Variants in FRMD5 observed in about 807,000 individuals in gnomAD.
FRMD5 encodes the protein FERM domain-containing protein 5.
Under a neutral mutation model 69.0 loss-of-function variants are expected in FRMD5, and 20 were observed. The observed-to-expected ratio is 0.29, with a 90% CI of 0.20 to 0.42. The LOEUF (loss-of-function observed/expected upper bound fraction) is 0.42. Ranked by LOEUF, FRMD5 falls within the 10% of genes least tolerant of loss-of-function variation. The pLI, the probability that FRMD5 is intolerant of heterozygous loss-of-function variation, is 1.00. For synonymous variants in FRMD5, 271 were observed against 260.1 expected, an observed-to-expected ratio of 1.04 and a Z score of -0.40; for missense variants, 595 against 708.6, an observed-to-expected ratio of 0.84 and a Z score of 1.82.
At chr15:43,993,598 G>A (rs939188792) in intron 1 of FRMD5, among the ~76,000 whole-genome samples, 2 of 152,294 alleles carry the variant, frequency 1.3e-5, no homozygotes, top group Non-Finnish European at 2.9e-5. Flanking sequence ...AGGTCCATTC[G>A]ATGTAAAGTA....
chr15:44,175,193 C>A (rs561389145), intron 1 of FRMD5, among the ~76,000 whole-genome samples: 1 of 152,138 alleles, frequency 6.6e-6, no homozygotes, highest in Non-Finnish European at 1.5e-5. Flanking sequence ...TAGAGCCCTT[C>A]TAGGCAGGTT....
chr15:43,936,916 T>C (rs924422403), intron 1 of FRMD5, among the ~76,000 whole-genome samples: 1 of 151,994 alleles, frequency 6.6e-6, no homozygotes, highest in Non-Finnish European at 1.5e-5. Context: ...GATCGCTAAC[T>C]GGGTCCTTGC....
intron 6 of FRMD5, among the ~76,000 whole-genome samples, chr15:43,902,753 G>A (rs1460650745): frequency 4.6e-5 from 7 of 151,588 alleles, no homozygotes; most frequent in Admixed American, 6.6e-5. Flanking sequence ...AAAAGTCAGA[G>A]ATACTGATTT....
chr15:44,070,911 C>T (rs1242877472), intron 1 of FRMD5, among the ~76,000 whole-genome samples: 1 of 152,140 alleles, frequency 6.6e-6, no homozygotes, highest in African/African-American at 2.4e-5. Flanking sequence ...AGTCTTGGTT[C>T]TGCCTTTTTA....
At chr15:43,900,618 GGT>G (rs2089022321) in intron 7 of FRMD5, among the ~76,000 whole-genome samples, 1 of 146,118 alleles carries the variant, frequency 6.8e-6, no homozygotes, top group Non-Finnish European at 1.5e-5. Flanking sequence ...ATTCATTCCT[GGT>G]TTTTTTTTTT....
At chr15:44,098,089 G>A (rs1475291189) in intron 1 of FRMD5, among the ~76,000 whole-genome samples, 1 of 127,900 alleles carries the variant, frequency 7.8e-6, no homozygotes, top group Non-Finnish European at 1.6e-5. Flanking sequence ...GTAATGCCAT[G>A]CTCCCAAAAG....
At chr15:44,007,667 CAG>C in intron 1 of FRMD5, among the ~76,000 whole-genome samples, 1 of 49,512 alleles carries the variant, frequency 2.0e-5, no homozygotes, top group Middle Eastern at 0.02. Context: ...TTTTTTGAGA[CAG>C]AGTTTCGCTC....
At chr15:43,906,018 G>C (rs2089163717) in intron 5 of FRMD5, 67 bp from the exon 6 acceptor site, 1 of 1,600,052 alleles carries the variant, frequency 6.2e-7, no homozygotes, top group Non-Finnish European at 8.6e-7. Flanking sequence ...AAAGCAACAA[G>C]AGATTAGCAC....
rs367755831 is a variant in FRMD5, at chr15:44,084,703, GAATTGTACACTTTAAATTTA to G, written c.102+110230_102+110249del. Among the ~76,000 whole-genome samples, 558 of 152,020 alleles carry G rather than the reference GAATTGTACACTTTAAATTTA, an allele frequency of 3.7e-3. 4 individuals are homozygous for G. Among genetic ancestry groups the G allele is most frequent in the African/African-American group, 0.013 (532 of 41,490 alleles). On this transcript the variant is annotated intron_variant, in intron 1 of 13. Transcript: ENST00000417257. The stretch of plus-strand genomic sequence containing the variant: ...ATAATCCTTTAGCTTTTATTCCATT[GAATTGTACACTTTAAATTTA>G]AATTGTACACTTTAAATGGTATGTG...
intron 1 of FRMD5, among the ~76,000 whole-genome samples, chr15:43,938,231 C>CAA (rs775430626): frequency 0.018 from 1,143 of 64,678 alleles, 54 homozygotes; most frequent in African/African-American, 0.044. Context: ...GACTCCGTCT[C>CAA]AAAAAAAAAA....
chr15:43,935,479 C>CT (rs2140474673), intron 1 of FRMD5, among the ~76,000 whole-genome samples: 1 of 152,248 alleles, frequency 6.6e-6, no homozygotes, highest in Admixed American at 6.5e-5. Flanking sequence ...GAGTGAAACT[C>CT]TGTCTCAAAT....
At chr15:44,091,717 A>G (rs2076476030) in intron 1 of FRMD5, among the ~76,000 whole-genome samples, 1 of 151,948 alleles carries the variant, frequency 6.6e-6, no homozygotes, top group Non-Finnish European at 1.5e-5. Flanking sequence ...TTTTCCACAA[A>G]CTTTTTTTTA....
chr15:43,971,461 G>A (rs553872829), intron 1 of FRMD5, among the ~76,000 whole-genome samples: 20 of 151,386 alleles, frequency 1.3e-4, no homozygotes, highest in African/African-American at 3.1e-4. Context: ...CCAAGAGGGC[G>A]GATCACGAGG....
chr15:44,133,058 G>A (rs2077126834), intron 1 of FRMD5, among the ~76,000 whole-genome samples: 1 of 151,820 alleles, frequency 6.6e-6, no homozygotes, highest in Non-Finnish European at 1.5e-5. Flanking sequence ...ATCATGCCCA[G>A]CCACATGAAT....
At chr15:44,085,830 T>C (rs1039983940) in intron 1 of FRMD5, among the ~76,000 whole-genome samples, 1 of 152,184 alleles carries the variant, frequency 6.6e-6, no homozygotes, top group Admixed American at 6.5e-5. Context: ...AAGAGCTTTA[T>C]ATGTATTATC....
intron 1 of FRMD5, among the ~76,000 whole-genome samples, chr15:44,045,980 C>G (rs965900194): frequency 6.6e-6 from 1 of 152,162 alleles, no homozygotes; most frequent in Non-Finnish European, 1.5e-5. Flanking sequence ...GTTGTATAGT[C>G]TCTTTGCTGC....
intron 1 of FRMD5, among the ~76,000 whole-genome samples, chr15:44,190,254 G>T (rs1465008120): frequency 6.6e-6 from 1 of 152,158 alleles, no homozygotes; most frequent in Non-Finnish European, 1.5e-5. Flanking sequence ...GATATAACTA[G>T]AAACAGGATG....
At chr15:44,036,449 C>T (rs943197125) in intron 1 of FRMD5, among the ~76,000 whole-genome samples, 1 of 152,080 alleles carries the variant, frequency 6.6e-6, no homozygotes, top group African/African-American at 2.4e-5. Context: ...AGTATAGGCA[C>T]CGGCAGCTGG....
At chr15:44,124,346 G>C (rs757913123) in intron 1 of FRMD5, among the ~76,000 whole-genome samples, 2 of 151,374 alleles carry the variant, frequency 1.3e-5, no homozygotes, top group African/African-American at 2.4e-5. Flanking sequence ...GAAATATTCA[G>C]TATCCTCAAA....
Sources: gnomAD v4.1 joint callset for allele counts (sites outside exome capture counted in the v4.1 genomes callset) on GRCh38, gnomAD v4.1.1 for gene constraint, MANE v1.5 for transcripts, NCBI Gene and HGNC (gene_info 2026-07-23, HGNC 2026-07-21) for gene names.